Variants in PCDHGB2 observed in about 807,000 individuals in gnomAD.
The protein encoded by PCDHGB2 is protocadherin gamma subfamily B, 2.
A neutral mutation model predicts 59.3 loss-of-function variants in PCDHGB2; 55 were observed. The observed-to-expected ratio is 0.93, with a 90% CI of 0.75 to 1.16. PCDHGB2 has a LOEUF of 1.16. Among genes scored for constraint, PCDHGB2 ranks in the 50% most tolerant of loss-of-function variants. The pLI, the probability that PCDHGB2 is intolerant of heterozygous loss-of-function variation, is 0.00. For synonymous variants in PCDHGB2, 516 were observed against 512.0 expected, an observed-to-expected ratio of 1.01 and a Z score of -0.11; for missense variants, 1,228 against 1,198.5, an observed-to-expected ratio of 1.02 and a Z score of -0.36.
At chr5:141,478,862 C>T (rs1057119202) in intron 1 of PCDHGB2, 23 of 1,325,916 alleles carry the variant, frequency 1.7e-5, no homozygotes, top group Non-Finnish European at 2.2e-5. Flanking sequence ...AAGATCTCAG[C>T]GATCAGAGTT....
Position 141,444,149 on chromosome 5 carries a change from T to C in PCDHGB2, c.2422-50658T>C, listed in dbSNP as rs180678850. On this transcript the variant is annotated intron_variant, in intron 1 of 3. Transcript: ENST00000522605. ...ACAGATATGTGTCACTTGTGTGTAC[T>C]GGATTTTTTTTTTTTTTTTTTTTTT... Among the ~76,000 whole-genome samples, 383 of 136,820 alleles carry C rather than the reference T, an allele frequency of 2.8e-3. 2 individuals carry two copies. Among genetic ancestry groups the C allele is most frequent in the Middle Eastern group, 0.012 (3 of 252 alleles). 89.8% of individuals were successfully genotyped at this position (136,820 alleles called of 152,430 possible). A position where few individuals can be genotyped will look rare whatever the true frequency, so the allele number is the denominator to read the frequency against.
intron 1 of PCDHGB2, among the ~76,000 whole-genome samples, chr5:141,459,249 A>G (rs901058693): frequency 6.6e-6 from 1 of 152,218 alleles, no homozygotes; most frequent in Non-Finnish European, 1.5e-5. Flanking sequence ...TCCTGTCACT[A>G]TAAATTAGTG....
chr5:141,475,862 T>G, intron 1 of PCDHGB2: 1 of 492,756 alleles, frequency 2.0e-6, no homozygotes, highest in Non-Finnish European at 3.6e-6. Context: ...GCTAGCTCAT[T>G]CTTCGTGCAG....
chr5:141,428,304 G>C, intron 1 of PCDHGB2: 1 of 695,706 alleles, frequency 1.4e-6, no homozygotes, highest in South Asian at 1.6e-5. Flanking sequence ...AGATTTACCT[G>C]GTCGTGGCCT....
At chr5:141,386,430 G>A (rs1257944903) in intron 1 of PCDHGB2, among the ~76,000 whole-genome samples, 2 of 152,116 alleles carry the variant, frequency 1.3e-5, no homozygotes, top group African/African-American at 4.8e-5. Flanking sequence ...TAGCCCACCT[G>A]CATGGGAGGC....
At chr5:141,466,281 C>T (rs555506496) in intron 1 of PCDHGB2, among the ~76,000 whole-genome samples, 76 of 152,252 alleles carry the variant, frequency 5.0e-4, no homozygotes, top group African/African-American at 1.7e-3. Context: ...AGCAATCTTC[C>T]CACCTCAGGC....
At chr5:141,374,030 T>C (rs1023437506) in intron 1 of PCDHGB2, 4 of 1,430,336 alleles carry the variant, frequency 2.8e-6, no homozygotes, top group African/African-American at 1.4e-5. Flanking sequence ...GCAAAAGTGA[T>C]GCAGATCTGT....
chr5:141,371,912 C>T (rs1768180129), intron 1 of PCDHGB2: 11 of 1,613,380 alleles, frequency 6.8e-6, no homozygotes, highest in Non-Finnish European at 9.3e-6. Context: ...CCTACGTGTC[C>T]GTGAGCGCGC....
rs184178455 is a variant in PCDHGB2 at position 141,428,574 on chromosome 5, T to C, written c.2421+66018T>C. ...CAGTCCCCCCACAAGATCTTTCTAA[T>C]GAAGTTTCTCTGGTAGCAAGCTTCA... is the stretch of plus-strand genomic sequence containing the variant. On this transcript the variant is annotated intron_variant, in intron 1 of 3. Transcript: ENST00000522605. 1.8e-3 allele frequency: 416 copies of C among 229,070 alleles called. 3 individuals are homozygous for C. The highest frequency in any genetic ancestry group is 2.8e-3 in the Non-Finnish European group (314 of 113,918). The allele number at this position is 229,070 out of a possible 1,614,324, so 14.2% of individuals were successfully genotyped here. A position where few individuals can be genotyped will look rare whatever the true frequency, so the allele number is the denominator to read the frequency against.
chr5:141,429,387 TAA>T (rs11410533), intron 1 of PCDHGB2, among the ~76,000 whole-genome samples: 155 of 151,446 alleles, frequency 1.0e-3, no homozygotes, highest in African/African-American at 3.5e-3. Flanking sequence ...GTTTTTTTTT[TAA>T]AAAAAATTGA....
intron 1 of PCDHGB2, chr5:141,390,071 C>G (rs1322880756): frequency 1.2e-6 from 2 of 1,614,084 alleles, no homozygotes; most frequent in Non-Finnish European, 1.7e-6. Flanking sequence ...AGCCTGGTCT[C>G]TGTGTTAAAT....
chr5:141,461,864 C>T (rs911351082), intron 1 of PCDHGB2, among the ~76,000 whole-genome samples: 5 of 151,900 alleles, frequency 3.3e-5, no homozygotes, highest in African/African-American at 9.7e-5. Context: ...GCTCTTGTTG[C>T]CCAGGCTGGA....
intron 1 of PCDHGB2, chr5:141,423,365 T>A (rs1338039878): frequency 1.9e-6 from 3 of 1,614,096 alleles, no homozygotes; most frequent in South Asian, 1.1e-5. Context: ...ATCGTGCTGC[T>A]GGCACTCAGG....
chr5:141,383,800 A>C, intron 1 of PCDHGB2: 1 of 1,614,000 alleles, frequency 6.2e-7, no homozygotes, highest in Non-Finnish European at 8.5e-7. Flanking sequence ...TACAGGAGAA[A>C]TATCAACTTT....
intron 1 of PCDHGB2, chr5:141,382,965 C>A (rs1186922348): frequency 2.5e-6 from 4 of 1,608,612 alleles, no homozygotes; most frequent in Non-Finnish European, 3.4e-6. Context: ...TCCTGGGGAC[C>A]CCCTGGGAAG....
intron 1 of PCDHGB2, among the ~76,000 whole-genome samples, chr5:141,479,914 G>T (rs2099509746): frequency 6.6e-6 from 1 of 152,148 alleles, no homozygotes; most frequent in South Asian, 2.1e-4. Context: ...CTGTTATTTT[G>T]TTACTCAGTG....
At chr5:141,383,515 C>A (rs749503295) in intron 1 of PCDHGB2, 4 of 1,612,348 alleles carry the variant, frequency 2.5e-6, no homozygotes, top group Admixed American at 1.7e-5. Context: ...GGAGGAAGAG[C>A]GGGTTCACCA....
intron 1 of PCDHGB2, chr5:141,418,790 G>A (rs1434374059): frequency 2.5e-6 from 4 of 1,613,758 alleles, no homozygotes; most frequent in Admixed American, 3.3e-5. Flanking sequence ...GGATTTTGAA[G>A]AAGTAGAAAG....
At chr5:141,437,445 T>C (rs187869679) in intron 1 of PCDHGB2, among the ~76,000 whole-genome samples, 1 of 152,348 alleles carries the variant, frequency 6.6e-6, no homozygotes, top group East Asian at 1.9e-4. Flanking sequence ...CATAGGAATG[T>C]TGAGGAGACT....
Sources: gnomAD v4.1 joint callset for allele counts (sites outside exome capture counted in the v4.1 genomes callset) on GRCh38, gnomAD v4.1.1 for gene constraint, MANE v1.5 for transcripts, NCBI Gene and HGNC (gene_info 2026-07-23, HGNC 2026-07-21) for gene names.